Variants in TPX2 observed in about 807,000 individuals in gnomAD.
The protein encoded by TPX2 is TPX2 microtubule nucleation factor.
A neutral mutation model predicts 93.6 loss-of-function variants in TPX2; 21 were observed. The observed-to-expected ratio is 0.22, with a 90% CI of 0.16 to 0.32. TPX2 has a LOEUF of 0.32. Among genes scored for constraint, TPX2 ranks in the 10% least tolerant of loss-of-function variants. TPX2 has a pLI of 1.00. For synonymous variants in TPX2, 281 were observed against 298.3 expected, an observed-to-expected ratio of 0.94 and a Z score of 0.60; for missense variants, 776 against 871.1, an observed-to-expected ratio of 0.89 and a Z score of 1.37.
At chr20:31,769,053 G>A (rs970939871) in intron 5 of TPX2, among the ~76,000 whole-genome samples, 2 of 152,160 alleles carry the variant, frequency 1.3e-5, no homozygotes, top group African/African-American at 4.8e-5. Flanking sequence ...CATACATAAA[G>A]TTGAGTGAGA....
intron 12 of TPX2, among the ~76,000 whole-genome samples, 196 bp downstream of exon 12, chr20:31,784,117 T>C (rs1309975428): frequency 6.6e-6 from 1 of 152,154 alleles, no homozygotes; most frequent in African/African-American, 2.4e-5. Context: ...TATGTGTGAA[T>C]AATAGAAAAT....
Position 31,770,420 on chromosome 20 carries a change from G to A in TPX2, c.434G>A (p.Cys145Tyr), listed in dbSNP as rs1254896995. The A allele has an allele frequency of 2.5e-6, 4 of 1,606,248 alleles. No homozygotes were observed. Among genetic ancestry groups the A allele is most frequent in the African/African-American group, 2.7e-5 (2 of 74,664 alleles). ...CATGTAAAAATGAAAGCCAAGAGATGTGCCACTCCTGTAATCATCGATGAA... is the reference window on the plus strand; with the variant it reads ...CATGTAAAAATGAAAGCCAAGAGATATGCCACTCCTGTAATCATCGATGAA... ...KHHVKMKAKR[C>Y]ATPVIIDEIL... Residue 145 changes from cysteine (C) to tyrosine (Y), a missense_variant, in exon 6 of 18, where the codon TGT (cysteine) becomes TAT (tyrosine). Physicochemically the swap from Cys to Tyr is radical, Grantham distance 194 (BLOSUM62 -2). This residue lies in a region of TPX2 where 279 missense variants were observed against 261.6 expected (regional missense o/e 1.07). Coordinates refer to ENST00000300403, the MANE Select transcript of TPX2 (RefSeq NM_012112.5).
chr20:31,762,474 C>G (rs2061895882), intron 4 of TPX2, among the ~76,000 whole-genome samples: 1 of 152,080 alleles, frequency 6.6e-6, no homozygotes, highest in Non-Finnish European at 1.5e-5. Flanking sequence ...CCCAACCTCC[C>G]AAGTAGTTGT....
At chr20:31,766,766 A>T (rs1021478328) in intron 5 of TPX2, 84 bp downstream of exon 5, 2 of 1,259,456 alleles carry the variant, frequency 1.6e-6, no homozygotes, top group South Asian at 1.7e-5. Flanking sequence ...TTATGTGTCT[A>T]TACTGTGTTT....
At chr20:31,796,342 T>C (rs540510801) in intron 15 of TPX2, among the ~76,000 whole-genome samples, 28 of 152,324 alleles carry the variant, frequency 1.8e-4, no homozygotes, top group African/African-American at 6.7e-4. Context: ...TACTTCAGTG[T>C]ATATATTTAA....
chr20:31,776,319 A>T (rs1307952599), intron 8 of TPX2, among the ~76,000 whole-genome samples: 2 of 151,452 alleles, frequency 1.3e-5, no homozygotes, highest in Non-Finnish European at 2.9e-5. Flanking sequence ...TGACCTCATG[A>T]TCCACCCGCC....
chr20:31,751,710 G>A (rs1422897997), intron 2 of TPX2, among the ~76,000 whole-genome samples: 1 of 152,164 alleles, frequency 6.6e-6, no homozygotes, highest in Non-Finnish European at 1.5e-5. Flanking sequence ...GACTACAGGT[G>A]ACAGAAAATG....
chr20:31,758,245 A>T (rs2061864049), intron 3 of TPX2, among the ~76,000 whole-genome samples: 1 of 150,666 alleles, frequency 6.6e-6, no homozygotes, highest in African/African-American at 2.4e-5. Flanking sequence ...TCAGCCGCCC[A>T]AGTAGCTGGG....
chr20:31,785,437 G>T (rs982195157), intron 12 of TPX2, among the ~76,000 whole-genome samples: 1 of 151,998 alleles, frequency 6.6e-6, no homozygotes, highest in African/African-American at 2.4e-5. Context: ...CCCCAGATAA[G>T]AGAAATTATT....
At chr20:31,782,473 A>G (rs1363125813) in intron 11 of TPX2, 83 bp downstream of exon 11, 6 of 1,506,392 alleles carry the variant, frequency 4.0e-6, no homozygotes, top group African/African-American at 2.8e-5. Flanking sequence ...GACAGTTGCT[A>G]TTTTTCTTTC....
At chr20:31,776,043 G>A in intron 8 of TPX2, 55 bp downstream of exon 8, 1 of 419,524 alleles carries the variant, frequency 2.4e-6, no homozygotes, top group Non-Finnish European at 3.7e-6. Context: ...TAACACTCTT[G>A]GTAGGTGTTT....
intron 7 of TPX2, among the ~76,000 whole-genome samples, chr20:31,771,934 C>G (rs2061966521): frequency 6.6e-6 from 1 of 151,874 alleles, no homozygotes; most frequent in Non-Finnish European, 1.5e-5. Flanking sequence ...TCACTGCATC[C>G]TTGACCTCCT....
At chr20:31,766,495 GTC>G in intron 4 of TPX2, 59 bp from the exon 5 acceptor site, 5 of 1,429,728 alleles carry the variant, frequency 3.5e-6, no homozygotes, top group East Asian at 4.8e-5. Context: ...GTGTGTGTGT[GTC>G]TCATCTCCAA....
At chr20:31,768,316 A>T (rs1450635059) in intron 5 of TPX2, among the ~76,000 whole-genome samples, 1 of 144,342 alleles carries the variant, frequency 6.9e-6, no homozygotes, top group Non-Finnish European at 1.5e-5. Context: ...GCTCACTGCA[A>T]CCTCCGCCTC....
At chr20:31,762,293 A>G (rs1313027634) in intron 4 of TPX2, among the ~76,000 whole-genome samples, 4 of 152,176 alleles carry the variant, frequency 2.6e-5, no homozygotes, top group Non-Finnish European at 4.4e-5. Context: ...TCATGTTCAT[A>G]GGATCTTTGC....
chr20:31,794,184 T>C (rs184285113), intron 14 of TPX2, among the ~76,000 whole-genome samples, 160 bp downstream of exon 14: 7 of 152,328 alleles, frequency 4.6e-5, no homozygotes, highest in Admixed American at 4.6e-4. Flanking sequence ...ATAATCCTTC[T>C]GGCACAAGGA....
At chr20:31,745,951 A>G (rs1392272813) in intron 2 of TPX2, among the ~76,000 whole-genome samples, 2 of 152,214 alleles carry the variant, frequency 1.3e-5, no homozygotes, top group Admixed American at 6.5e-5. Flanking sequence ...TGGATAAATT[A>G]TAGCAAAACT....
At chr20:31,756,874 G>A (rs546361047) in intron 2 of TPX2, among the ~76,000 whole-genome samples, 46 of 152,184 alleles carry the variant, frequency 3.0e-4, no homozygotes, top group Non-Finnish European at 4.6e-4. Context: ...TGATCCACCC[G>A]CCTCAGCCTC....
chr20:31,799,757 G>A (rs750988658), intron 17 of TPX2, among the ~76,000 whole-genome samples: 1 of 151,692 alleles, frequency 6.6e-6, no homozygotes, highest in Admixed American at 6.6e-5. Flanking sequence ...AAAATTAGCC[G>A]GGCATGGTGG....
Sources: gnomAD v4.1 joint callset for allele counts (sites outside exome capture counted in the v4.1 genomes callset) on GRCh38, gnomAD v4.1.1 for gene constraint, gnomAD v4.1.1 regional missense constraint, MANE v1.5 for transcripts, NCBI Gene and HGNC (gene_info 2026-07-23, HGNC 2026-07-21) for gene names.